ADCY9: variants seen among roughly 807,000 people sequenced by gnomAD.
ADCY9 encodes the protein adenylate cyclase 9.
Under a neutral mutation model 101.5 loss-of-function variants are expected in ADCY9, and 50 were observed. That is an observed-to-expected ratio of 0.49 (90% CI 0.39 to 0.62). ADCY9 has a LOEUF of 0.62. ADCY9 is among the 20% of genes least tolerant of loss of function. ADCY9 has a pLI of 0.00. For synonymous variants in ADCY9, 905 were observed against 769.3 expected (o/e 1.18, Z -2.92); for missense variants, 1,662 against 1,800.4 (o/e 0.92, Z 1.39).
In ADCY9 at chr16:3,993,362, G is replaced by A. The variant is rs368294824; in HGVS notation, c.1989+44C>T. ...CAGGAATGTCACCTTGGGTGGATGC[G>A]CCAGGAGAGGAACTGACAGGAACAA... On this transcript the variant is annotated intron_variant, in intron 4 of 10. Transcript: ENST00000294016. 32 of 1,604,646 alleles carry A rather than the reference G, an allele frequency of 2.0e-5. No individual in the cohort carries two copies. The Admixed American group carries it at 2.0e-4, about 10-fold the overall frequency.
chr16:3,967,002 T>C (rs749396222), intron 10 of ADCY9, 36 bp from the exon 11 acceptor site: 1 of 1,556,170 alleles, frequency 6.4e-7, no homozygotes, highest in African/African-American at 1.4e-5. Context: ...GAGAGGTTAC[T>C]GCTCGGCGCT....
At chr16:4,075,641 A>C (rs2056862150) in intron 2 of ADCY9, among the ~76,000 whole-genome samples, 1 of 152,246 alleles carries the variant, frequency 6.6e-6, no homozygotes, top group African/African-American at 2.4e-5. Flanking sequence ...AAAATGTTGC[A>C]AAATGTGTCC....
intron 2 of ADCY9, among the ~76,000 whole-genome samples, chr16:4,106,416 G>A (rs189482022): frequency 1.4e-4 from 21 of 152,234 alleles, no homozygotes; most frequent in African/African-American, 4.1e-4. Flanking sequence ...CGGCAGCACC[G>A]GTGCCTGGCC....
At chr16:3,966,992 G>T (rs1392164270) in intron 10 of ADCY9, 26 bp from the exon 11 acceptor site, 2 of 1,584,902 alleles carry the variant, frequency 1.3e-6, no homozygotes, top group East Asian at 4.5e-5. Flanking sequence ...ACGGGAAAGG[G>T]AGAGGTTACT....
intron 5 of ADCY9, among the ~76,000 whole-genome samples, chr16:3,956,714 C>T (rs969820960): frequency 7.3e-5 from 11 of 150,254 alleles, no homozygotes; most frequent in Non-Finnish European, 1.5e-4. Flanking sequence ...AGGCTGGACT[C>T]GAACTGCTGA....
chr16:4,045,594 TAAA>T (rs545715002), intron 2 of ADCY9, among the ~76,000 whole-genome samples: 1 of 64,964 alleles, frequency 1.5e-5, no homozygotes, highest in Non-Finnish European at 2.8e-5. Flanking sequence ...GACTCTGCCT[TAAA>T]AAAAAAAAAA....
At chr16:4,064,372 A>G (rs762839191) in intron 2 of ADCY9, among the ~76,000 whole-genome samples, 10 of 152,236 alleles carry the variant, frequency 6.6e-5, no homozygotes, top group Admixed American at 6.5e-4. Context: ...TTAACAAGAA[A>G]GGTTATGAGT....
chr16:4,084,482 C>T (rs1295612953), intron 2 of ADCY9, among the ~76,000 whole-genome samples: 1 of 151,936 alleles, frequency 6.6e-6, no homozygotes, highest in Non-Finnish European at 1.5e-5. Context: ...TCTCAACACT[C>T]TGGGAGGCCA....
At chr16:4,045,269 A>C (rs1470843398) in intron 2 of ADCY9, among the ~76,000 whole-genome samples, 1 of 152,128 alleles carries the variant, frequency 6.6e-6, no homozygotes, top group Non-Finnish European at 1.5e-5. Context: ...AGCCCAGGTA[A>C]CAATAAACAG....
At chr16:4,076,389 T>A (rs1470331937) in intron 2 of ADCY9, among the ~76,000 whole-genome samples, 1 of 152,170 alleles carries the variant, frequency 6.6e-6, no homozygotes, top group Non-Finnish European at 1.5e-5. Flanking sequence ...AATAAGAGAT[T>A]TAGATTTTTG....
chr16:4,069,014 G>A (rs1208887268), intron 2 of ADCY9, among the ~76,000 whole-genome samples: 2 of 151,908 alleles, frequency 1.3e-5, no homozygotes, highest in African/African-American at 4.8e-5. Flanking sequence ...ATACATTTTT[G>A]TACTTGTGCA....
intron 2 of ADCY9, among the ~76,000 whole-genome samples, chr16:4,081,224 T>C (rs1056771123): frequency 2.0e-5 from 3 of 152,168 alleles, no homozygotes; most frequent in Non-Finnish European, 2.9e-5. Context: ...AAACTGGAAC[T>C]AATCAGCAGG....
At chr16:4,033,950 C>G (rs545054338) in intron 2 of ADCY9, among the ~76,000 whole-genome samples, 1 of 152,152 alleles carries the variant, frequency 6.6e-6, no homozygotes, top group Non-Finnish European at 1.5e-5. Context: ...CTGGCCTGTT[C>G]AAAAATTCTA....
intron 2 of ADCY9, among the ~76,000 whole-genome samples, chr16:4,009,801 C>G (rs1382848589): frequency 6.6e-6 from 1 of 152,168 alleles, no homozygotes; most frequent in African/African-American, 2.4e-5. Flanking sequence ...AAAATGCAAC[C>G]TATGTGGACT....
At chr16:3,985,847 C>T (rs535927871) in intron 6 of ADCY9, among the ~76,000 whole-genome samples, 2 of 152,298 alleles carry the variant, frequency 1.3e-5, no homozygotes, top group East Asian at 1.9e-4. Context: ...TCTGGGCCAC[C>T]CCTGGCCCTG....
At chr16:4,067,223 A>G (rs1472976304) in intron 2 of ADCY9, among the ~76,000 whole-genome samples, 1 of 152,258 alleles carries the variant, frequency 6.6e-6, no homozygotes, top group African/African-American at 2.4e-5. Flanking sequence ...ACAGATTGAA[A>G]TAATATTTAG....
At chr16:4,087,494 T>C (rs143715428) in intron 2 of ADCY9, among the ~76,000 whole-genome samples, 4 of 149,744 alleles carry the variant, frequency 2.7e-5, no homozygotes, top group African/African-American at 9.8e-5. Context: ...TATGATCACA[T>C]TGCTGCACTC....
chr16:3,986,242 G>A lies in ADCY9; in HGVS notation c.2310+2752C>T, dbSNP rs34135751. 3.8e-4 allele frequency among the ~76,000 whole-genome samples: 58 copies of A among 152,328 alleles called. No individual in the cohort carries two copies. The East Asian group carries it at 9.7e-3, about 25-fold the overall frequency. On this transcript the variant is annotated intron_variant, in intron 6 of 10. Transcript: ENST00000294016. ...TGTGGGCGGTGGGATGCTCGGCTAA[G>A]AACGCACCCACGTGGAGCCCCCAGC...
chr16:4,073,243 C>T (rs1456267508), intron 2 of ADCY9, among the ~76,000 whole-genome samples: 5 of 151,382 alleles, frequency 3.3e-5, no homozygotes, highest in Admixed American at 1.3e-4. Flanking sequence ...TACAGGCATG[C>T]GCCACCATGC....
Sources: allele counts gnomAD v4.1 joint callset (sites outside exome capture counted in the v4.1 genomes callset), GRCh38; gene constraint gnomAD v4.1.1; transcripts MANE v1.5; gene names NCBI Gene and HGNC (gene_info 2026-07-23, HGNC 2026-07-21).